The following TLR6 variants were observed in gnomAD, a reference collection of about 807,000 sequenced individuals.
The protein encoded by TLR6 is toll like receptor 6.
TLR6 carries 9 observed loss-of-function variants against 16.1 expected under a neutral mutation model. That is an observed-to-expected ratio of 0.56 (90% CI 0.34 to 0.98). The LOEUF (loss-of-function observed/expected upper bound fraction) is 0.98, where lower values mean the gene tolerates loss of function less well. Ranked by LOEUF, TLR6 falls within the 50% of genes least tolerant of loss-of-function variation. The pLI, the probability that TLR6 is intolerant of heterozygous loss-of-function variation, is 0.02. For synonymous variants in TLR6, 340 were observed against 338.6 expected (o/e 1.00, Z -0.04); for missense variants, 786 against 921.0 (o/e 0.85, Z 1.90).
At chr4:38,858,929 C>A (rs955595687), upstream of TLR6, among the ~76,000 whole-genome samples, 2 of 151,550 alleles carry the variant, frequency 1.3e-5, no homozygotes, top group African/African-American at 2.4e-5. Context: ...AATTAAGGTG[C>A]AGAACTGTAA....
exon 2 of TLR6, chr4:38,827,496 A>C: frequency 6.2e-7 from 1 of 1,614,216 alleles, no homozygotes. Context: ...TAAGGTACCA[A>C]TTCACTTTTC....
At chr4:38,824,807 A>G (rs1328235219) in exon 2 of TLR6, 1 of 152,004 alleles carries the variant, frequency 6.6e-6, no homozygotes, top group Non-Finnish European at 1.5e-5. Context: ...TTTTCTTTTA[A>G]CTTTTTTGAG....
the TLR6 span, among the ~76,000 whole-genome samples, chr4:38,862,644 G>T: frequency 7.7e-6 from 1 of 130,554 alleles, no homozygotes; most frequent in Non-Finnish European, 1.5e-5. Context: ...CACCCAGGCT[G>T]GAGTGCAGTG....
chr4:38,839,144 G>A (rs1431226178), intron 1 of TLR6, among the ~76,000 whole-genome samples: 4 of 132,490 alleles, frequency 3.0e-5, no homozygotes, highest in African/African-American at 5.5e-5. Flanking sequence ...AGGGAGGGAG[G>A]GGAGGGAAGG....
chr4:38,844,209 G>A (rs4104098), intron 1 of TLR6, among the ~76,000 whole-genome samples: 7,718 of 152,224 alleles, frequency 0.051, 544 homozygotes, highest in African/African-American at 0.15. Flanking sequence ...AATACTTACC[G>A]ATATGGACAG....
At chr4:38,829,350 C>T (rs756145036) in exon 2 of TLR6, 4 of 1,613,992 alleles carry the variant, frequency 2.5e-6, no homozygotes, top group Admixed American at 3.3e-5. Flanking sequence ...TGAATAAGAC[C>T]TCTTTTTGAC....
At chr4:38,849,115 G>A (rs1238898435) in intron 1 of TLR6, among the ~76,000 whole-genome samples, 1 of 152,146 alleles carries the variant, frequency 6.6e-6, no homozygotes, top group Non-Finnish European at 1.5e-5. Context: ...GAGAGTGGGG[G>A]CCAATATTCA....
chr4:38,851,861 C>T (rs1712787042), intron 1 of TLR6, among the ~76,000 whole-genome samples: 1 of 152,116 alleles, frequency 6.6e-6, no homozygotes, highest in Admixed American at 6.6e-5. Context: ...ACTTTCTTCA[C>T]AGAACTGGAA....
At chr4:38,844,323 G>A (rs1712421443) in intron 1 of TLR6, among the ~76,000 whole-genome samples, 1 of 152,178 alleles carries the variant, frequency 6.6e-6, no homozygotes, top group South Asian at 2.1e-4. Flanking sequence ...GGCAACGATA[G>A]GAGAAGCTAC....
In TLR6 at chr4:38,834,195, A is replaced by G. The variant is rs369089235; in HGVS notation, c.-64-4658T>C. On this transcript the variant is annotated intron_variant, in intron 1 of 1. Transcript: ENST00000436693. ...AGAGGTTGCAGCGAGCTGAGATTGC[A>G]CCACTATGCTCCAGCCTGGGTGACA... is the stretch of plus-strand genomic sequence containing the variant. 4.6e-4 allele frequency among the ~76,000 whole-genome samples: 69 copies of G among 151,598 alleles called. No homozygotes were observed. The South Asian group carries it at 0.014, about 31-fold the overall frequency.
the TLR6 span, among the ~76,000 whole-genome samples, chr4:38,863,148 C>T: frequency 0.22 from 33,635 of 151,932 alleles, 4,671 homozygotes; most frequent in Non-Finnish European, 0.31. Context: ...GCCAAATCCA[C>T]GGTCAATTCT....
chr4:38,845,319 A>G (rs907557718), intron 1 of TLR6, among the ~76,000 whole-genome samples: 3 of 152,214 alleles, frequency 2.0e-5, no homozygotes, highest in Admixed American at 1.3e-4. Flanking sequence ...CTGGCCTCCC[A>G]AAGATGTCTA....
chr4:38,854,845 G>T (rs79878421), intron 1 of TLR6, among the ~76,000 whole-genome samples: 4,924 of 152,200 alleles, frequency 0.032, 226 homozygotes, highest in African/African-American at 0.09. Flanking sequence ...GATTAAATCA[G>T]TTATGTATAA....
chr4:38,829,060 G>T, exon 2 of TLR6: 1 of 1,614,188 alleles, frequency 6.2e-7, no homozygotes, highest in Non-Finnish European at 8.5e-7. Flanking sequence ...ATTCCTTACA[G>T]ATGGGCAGGG....
At chr4:38,858,885 AAGAGAGAAAGAAAG>A (rs1448936561), upstream of TLR6, among the ~76,000 whole-genome samples, 1 of 67,382 alleles carries the variant, frequency 1.5e-5, no homozygotes, top group Non-Finnish European at 3.2e-5. Context: ...GAAAGAAAGA[AAGAGAGAAAGAAAG>A]AAAGAAAAGA....
chr4:38,839,778 G>C (rs12642760), intron 1 of TLR6, among the ~76,000 whole-genome samples: 4,855 of 152,276 alleles, frequency 0.032, 230 homozygotes, highest in African/African-American at 0.09. Flanking sequence ...AGGATGAAAG[G>C]ACTGTGTATG....
chr4:38,829,515 G>C (rs371069992), exon 2 of TLR6: 1 of 1,269,024 alleles, frequency 7.9e-7, no homozygotes, highest in East Asian at 2.3e-5. Context: ...CTTCTTCAGA[G>C]CATCTTGATA....
At chr4:38,828,225 A>T (rs1366153021) in exon 2 of TLR6, 1 of 1,613,314 alleles carries the variant, frequency 6.2e-7, no homozygotes, top group East Asian at 2.2e-5. Context: ...TGTCTACCAG[A>T]TTCCAAAGAA....
At chr4:38,861,661 C>G (rs1221968226), upstream of TLR6, among the ~76,000 whole-genome samples, 1 of 152,146 alleles carries the variant, frequency 6.6e-6, no homozygotes, top group East Asian at 1.9e-4. Context: ...ATGACTAGAT[C>G]CCAGCCTCAA....
Sources: gnomAD v4.1 joint callset for allele counts (sites outside exome capture counted in the v4.1 genomes callset) on GRCh38, gnomAD v4.1.1 for gene constraint, MANE v1.5 for transcripts, NCBI Gene and HGNC (gene_info 2026-07-23, HGNC 2026-07-21) for gene names.